CASD1: variants seen among roughly 807,000 people sequenced by gnomAD.
CASD1 encodes CAS1 domain sialic acid O acetyltransferase 1, also known as N-acetylneuraminate (7)9-O-acetyltransferase.
A neutral mutation model predicts 100.0 loss-of-function variants in CASD1; 41 were observed. That is an observed-to-expected ratio of 0.41 (90% CI 0.32 to 0.53). The LOEUF (loss-of-function observed/expected upper bound fraction) is 0.53. Among genes scored for constraint, CASD1 ranks in the 20% least tolerant of loss-of-function variants. The pLI, the probability that CASD1 is intolerant of heterozygous loss-of-function variation, is 0.25. For missense variants in CASD1, 774 were observed against 948.7 expected (o/e 0.82, Z 2.42); for synonymous variants, 321 against 315.6 (o/e 1.02, Z -0.18).
chr7:94,535,267 G>A (rs1161611126), intron 7 of CASD1, 42 bp from the exon 8 acceptor site: 1 of 1,445,242 alleles, frequency 6.9e-7, no homozygotes, highest in Admixed American at 1.7e-5. Flanking sequence ...TTACCAATAG[G>A]GATTTTTAAA....
the CASD1 span, among the ~76,000 whole-genome samples, chr7:94,613,514 A>T: frequency 1.3e-5 from 2 of 152,178 alleles, no homozygotes; most frequent in Admixed American, 1.3e-4. Context: ...ACTTCAAAAG[A>T]CTAGAGACTG....
At chr7:94,516,237 C>G (rs1184020183) in intron 1 of CASD1, among the ~76,000 whole-genome samples, 2 of 151,916 alleles carry the variant, frequency 1.3e-5, no homozygotes, top group South Asian at 4.1e-4. Flanking sequence ...AGTTTCCCAT[C>G]AATAAGATAA....
intron 5 of CASD1, among the ~76,000 whole-genome samples, chr7:94,530,568 A>C (rs796200803): frequency 5.9e-5 from 9 of 152,278 alleles, no homozygotes; most frequent in African/African-American, 2.2e-4. Context: ...AACCATTGAA[A>C]GTTTTAAGCA....
At chr7:94,588,094 T>C in the CASD1 span, 2 of 1,209,416 alleles carry the variant, frequency 1.7e-6, no homozygotes, top group Admixed American at 4.2e-5. Context: ...AGTATAGAGA[T>C]GAATGAAATA....
At chr7:94,581,637 G>A in the CASD1 span, among the ~76,000 whole-genome samples, 1 of 152,078 alleles carries the variant, frequency 6.6e-6, no homozygotes, top group Non-Finnish European at 1.5e-5. Context: ...TTTGTTTTCT[G>A]TTTCTACATT....
chr7:94,567,593 G>A, the CASD1 span, among the ~76,000 whole-genome samples: 1 of 152,100 alleles, frequency 6.6e-6, no homozygotes, highest in Admixed American at 6.6e-5. Context: ...TCTCAACATT[G>A]TGGTCATCTT....
rs1268198730 is a variant in CASD1, at chr7:94,556,029, C to T, written c.*271C>T. The T allele has an allele frequency of 1.8e-5, 5 of 274,600 alleles. No homozygotes were observed. The Admixed American group carries it at 2.0e-4, about 11-fold the overall frequency. 17.0% of individuals were successfully genotyped at this position (274,600 alleles called of 1,614,324 possible). A position where few individuals can be genotyped will look rare whatever the true frequency, so the allele number is the denominator to read the frequency against. On this transcript the variant is annotated 3_prime_UTR_variant, in exon 18 of 18. Coordinates refer to ENST00000297273, the MANE Select transcript of CASD1 (RefSeq NM_022900.5). ...GTCTTTTCTACTGAATCTATATTTC[C>T]ATTTGTAAGTGATTTTAAGTTAACA...
the CASD1 span, among the ~76,000 whole-genome samples, chr7:94,577,768 G>A: frequency 5.1e-4 from 77 of 152,178 alleles, no homozygotes; most frequent in African/African-American, 1.6e-3. Flanking sequence ...AATTGCCTGT[G>A]TTTTCAAAAA....
the CASD1 span, among the ~76,000 whole-genome samples, chr7:94,575,470 A>G: frequency 2.6e-5 from 4 of 152,142 alleles, no homozygotes; most frequent in East Asian, 7.7e-4. Flanking sequence ...GTTCAATTAT[A>G]TGGTCAATTT....
Position 94,510,041 on chromosome 7 carries a change from C to A in CASD1, c.-44C>A, listed in dbSNP as rs1584363218. 6.8e-7 allele frequency: 1 copy of A among 1,469,342 alleles called. No individual in the cohort carries two copies. Among genetic ancestry groups the A allele is most frequent in the Non-Finnish European group, 9.1e-7 (1 of 1,101,854 alleles). 91.0% of individuals were successfully genotyped at this position (1,469,342 alleles called of 1,614,324 possible). ...CCCCAGTGCTGCCCCTGTGCGGCGCCCCTTTCCCGCTCCGCCGCGCACTGT... is the reference window on the plus strand; with the variant it reads ...CCCCAGTGCTGCCCCTGTGCGGCGCACCTTTCCCGCTCCGCCGCGCACTGT... On this transcript the variant is annotated 5_prime_UTR_variant, in exon 1 of 18. Coordinates refer to ENST00000297273, the MANE Select transcript of CASD1 (RefSeq NM_022900.5).
At chr7:94,536,922 A>C (rs949813136) in intron 8 of CASD1, among the ~76,000 whole-genome samples, 4 of 152,214 alleles carry the variant, frequency 2.6e-5, no homozygotes, top group Non-Finnish European at 2.9e-5. Context: ...TGTAATCCAA[A>C]TGAAAGGCAT....
the CASD1 span, among the ~76,000 whole-genome samples, chr7:94,580,212 C>T: frequency 6.6e-6 from 1 of 152,068 alleles, no homozygotes; most frequent in Non-Finnish European, 1.5e-5. Context: ...CAAATATGAC[C>T]ACATCCTATT....
At chr7:94,623,849 C>A in the CASD1 span, 1 of 356,772 alleles carries the variant, frequency 2.8e-6, no homozygotes, top group Non-Finnish European at 5.0e-6. Flanking sequence ...TACTAAACTG[C>A]ACCCCAATCA....
the CASD1 span, among the ~76,000 whole-genome samples, chr7:94,579,789 A>G: frequency 6.6e-6 from 1 of 151,968 alleles, no homozygotes; most frequent in Non-Finnish European, 1.5e-5. Context: ...CCGAACCTCT[A>G]CTCTGAGTTT....
Position 94,549,609 on chromosome 7 carries a change from G to A in CASD1, c.1790G>A (p.Trp597Ter). The change falls in exon 14 of 18, where the codon TGG becomes TAG. Residue 597 changes from tryptophan (W) to a stop codon, truncating the protein, a stop_gained. Coordinates refer to ENST00000297273, the MANE Select transcript of CASD1 (RefSeq NM_022900.5). LOFTEE classifies it high-confidence loss of function. ...CTGAAAGGGAATGTATATGAATGGT[G>A]GTTCAGATGGAGGTTAGACCGTTAT... ...FELKGNVYEW[W>*]FRWRLDRYVV... 6.2e-7 allele frequency: 1 copy of A among 1,607,678 alleles called. No homozygotes were observed. Among genetic ancestry groups the A allele is most frequent in the Non-Finnish European group, 8.5e-7 (1 of 1,176,396 alleles).
chr7:94,607,250 A>G, the CASD1 span, among the ~76,000 whole-genome samples: 1 of 152,176 alleles, frequency 6.6e-6, no homozygotes, highest in Non-Finnish European at 1.5e-5. Flanking sequence ...AACTCTCTAC[A>G]ATATTTCTCA....
chr7:94,623,898 C>A, the CASD1 span: 1 of 359,612 alleles, frequency 2.8e-6, no homozygotes, highest in Non-Finnish European at 4.9e-6. Flanking sequence ...GAAATCATAT[C>A]TCACTTACGA....
the CASD1 span, chr7:94,629,578 G>T: frequency 5.1e-6 from 4 of 790,472 alleles, no homozygotes; most frequent in African/African-American, 1.8e-5. Flanking sequence ...CTGTAAATGA[G>T]AAATATCCTA....
intron 3 of CASD1, among the ~76,000 whole-genome samples, chr7:94,526,387 C>T (rs1003142293): frequency 5.3e-5 from 8 of 152,156 alleles, no homozygotes; most frequent in Non-Finnish European, 1.2e-4. Flanking sequence ...CTGGAAGTGG[C>T]GTATGTCACA....
Sources: gnomAD v4.1 joint callset for allele counts (sites outside exome capture counted in the v4.1 genomes callset) on GRCh38, gnomAD v4.1.1 for gene constraint, MANE v1.5 for transcripts, NCBI Gene and HGNC (gene_info 2026-07-23, HGNC 2026-07-21) for gene names.